MCM4: variants seen among roughly 807,000 people sequenced by gnomAD.
MCM4 encodes DNA replication licensing factor MCM4.
MCM4 carries 60 observed loss-of-function variants against 88.7 expected under a neutral mutation model. The observed-to-expected ratio is 0.68, with a 90% CI of 0.55 to 0.84. MCM4 has a LOEUF of 0.84. Ranked by LOEUF, MCM4 falls within the 40% of genes least tolerant of loss-of-function variation. The pLI is 0.00. For missense variants in MCM4, 1,149 were observed against 1,105.5 expected (o/e 1.04, Z -0.56); for synonymous variants, 465 against 410.5 (o/e 1.13, Z -1.61).
intron 10 of MCM4, 62 bp from the exon 11 acceptor site, chr8:47,969,736 T>G (rs2090933859): frequency 1.3e-6 from 2 of 1,582,430 alleles, no homozygotes; most frequent in South Asian, 1.1e-5. Flanking sequence ...CTACGCTGGT[T>G]GCTGAGCCAC....
In MCM4 at chr8:47,974,955, T is replaced by A. The variant is rs1363142523; in HGVS notation, c.2358T>A (p.Leu786=). The change falls in exon 15 of 17, where the codon CTT becomes CTA. Residue 786 remains leucine, a synonymous_variant. Coordinates refer to ENST00000649973, the MANE Select transcript of MCM4 (RefSeq NM_182746.3). ...CTGGCATCGTGGACATATCTATTCT[T>A]ACTACGGGTTCGTTATTTTCAGTGA... ...PRTGIVDISI[L]TTGMSATSRK... is the part of the protein sequence containing the mutation. The A allele has an allele frequency of 6.2e-6, 10 of 1,608,038 alleles. No homozygotes were observed. Among genetic ancestry groups the A allele is most frequent in the Non-Finnish European group, 8.5e-6 (10 of 1,176,264 alleles).
intron 15 of MCM4, chr8:47,975,425 G>A (rs1052422353): frequency 5.2e-6 from 1 of 191,812 alleles, no homozygotes; most frequent in Non-Finnish European, 1.0e-5. Flanking sequence ...ATAGTTTTAA[G>A]GAGATTCTGT....
rs146053440 is a variant in MCM4, at chr8:47,966,503, C to T, written c.1053+96C>T. 23 of 1,214,732 alleles carry T rather than the reference C, an allele frequency of 1.9e-5. No individual in the cohort carries two copies. In the East Asian group the frequency reaches 5.9e-4, roughly 31 times the overall value. 75.2% of individuals were successfully genotyped at this position (1,214,732 alleles called of 1,614,324 possible). Reference sequence around the variant, plus strand: ...GTCCCTCGGACCCTGAGCCTCACTTCCCGAATGGCATCCATCCCTCTCTGG... The same window carrying T: ...GTCCCTCGGACCCTGAGCCTCACTTTCCGAATGGCATCCATCCCTCTCTGG... On this transcript the variant is annotated intron_variant, in intron 9 of 16. Transcript: ENST00000649973.
At chr8:47,970,408 A>T in intron 11 of MCM4, 103 bp from the exon 12 acceptor site, 1 of 1,407,278 alleles carries the variant, frequency 7.1e-7, no homozygotes, top group Non-Finnish European at 9.6e-7. Context: ...GTGATTTCTT[A>T]ATTGTAGTTC....
At chr8:47,964,866 A>G (rs1181917397) in intron 8 of MCM4, among the ~76,000 whole-genome samples, 154 bp downstream of exon 8, 3 of 152,240 alleles carry the variant, frequency 2.0e-5, no homozygotes, top group Non-Finnish European at 4.4e-5. Flanking sequence ...CAGTTATCCT[A>G]TATACTTATG....
At position 47,961,555 on chromosome 8, in the gene MCM4, G is replaced by A. The variant is rs200577338; in HGVS notation, c.110G>A (p.Arg37His). The change falls in exon 3 of 17, where the codon CGT (arginine) becomes CAT (histidine). Residue 37 changes from arginine to histidine, a missense_variant. Around this residue, in one of 3 missense-constraint regions of MCM4, gnomAD observed 906 missense variants for 843.0 expected, o/e 1.07. Coordinates refer to ENST00000649973, the MANE Select transcript of MCM4 (RefSeq NM_182746.3). ...EDARSSPSQR[R>H]RGEDSTSTGE... ...GCCAGGTCATCTCCCTCTCAGAGAC[G>A]TAGAGGCGAGGATTCCACCTCCACG... The A allele has an allele frequency of 4.9e-5, 79 of 1,614,050 alleles. No homozygotes were observed. Among genetic ancestry groups the A allele is most frequent in the Middle Eastern group, 3.3e-4 (2 of 6,064 alleles).
intron 9 of MCM4, 67 bp downstream of exon 9, chr8:47,966,474 A>G: frequency 6.9e-7 from 1 of 1,450,032 alleles, no homozygotes; most frequent in South Asian, 1.3e-5. Context: ...GCCAACTATA[A>G]CTTGTCCCTC....
intron 14 of MCM4, chr8:47,973,783 T>C (rs1289278477): frequency 6.6e-6 from 1 of 152,322 alleles, no homozygotes; most frequent in African/African-American, 2.4e-5. Flanking sequence ...CCACCGCGCC[T>C]AGCAATATAC....
rs2090947451 is a variant in MCM4, at chr8:47,970,847, A to G, written c.1771A>G (p.Met591Val). 1 of 1,605,356 alleles carries G rather than the reference A, an allele frequency of 6.2e-7. No homozygotes were observed. The highest frequency in any genetic ancestry group is 1.7e-4 in the Middle Eastern group (1 of 6,046). Reference protein sequence around the residue: ...ESTRSVLHEVMEQQTLSIAKA... With the variant: ...ESTRSVLHEVVEQQTLSIAKA... Reference sequence around the variant, plus strand: ...TACAAGATCGGTATTGCATGAAGTCATGGAACAGCAGACTCTGTCCATTGC... The same window carrying G: ...TACAAGATCGGTATTGCATGAAGTCGTGGAACAGCAGACTCTGTCCATTGC... The change falls in exon 12 of 17, where the codon ATG becomes GTG. Residue 591 changes from methionine to valine, a missense_variant. Around this residue, in one of 3 missense-constraint regions of MCM4, gnomAD observed 906 missense variants for 843.0 expected, o/e 1.07. Coordinates refer to ENST00000649973, the MANE Select transcript of MCM4 (RefSeq NM_182746.3).
intron 8 of MCM4, among the ~76,000 whole-genome samples, chr8:47,965,795 T>C (rs1277477593): frequency 6.6e-6 from 1 of 152,208 alleles, no homozygotes; most frequent in African/African-American, 2.4e-5. Flanking sequence ...AGTCCTTGGC[T>C]CTGGGATAGG....
Position 47,970,877 on chromosome 8 carries a change from G to A in MCM4, c.1800+1G>A. Reference sequence around the variant, plus strand: ...ACAGCAGACTCTGTCCATTGCAAAGGTGAGTCGCCTTCTCCACCGTGAACA... The same window carrying A: ...ACAGCAGACTCTGTCCATTGCAAAGATGAGTCGCCTTCTCCACCGTGAACA... On this transcript the variant is annotated splice_donor_variant, in intron 12 of 16. Coordinates refer to ENST00000649973, the MANE Select transcript of MCM4 (RefSeq NM_182746.3). LOFTEE classifies it high-confidence loss of function. 2 of 1,582,008 alleles carry A rather than the reference G, an allele frequency of 1.3e-6. No individual in the cohort carries two copies. The highest frequency in any genetic ancestry group is 2.3e-5 in the East Asian group (1 of 44,392).
chr8:47,972,385 T>C (rs985361152), intron 13 of MCM4, among the ~76,000 whole-genome samples: 2 of 150,766 alleles, frequency 1.3e-5, no homozygotes, highest in Non-Finnish European at 2.9e-5. Flanking sequence ...GTGGGGTGAG[T>C]GGATGGACAC....
In MCM4 at chr8:47,970,802, T is replaced by G; in HGVS notation, c.1726T>G (p.Phe576Val). ...CAACGGCATCTGCTGTATCGATGAG[T>G]TCGACAAGATGAATGAAAGTACAAG... Reference protein sequence around the residue: ...SDNGICCIDEFDKMNESTRSV... With the variant: ...SDNGICCIDEVDKMNESTRSV... Residue 576 changes from phenylalanine to valine, a missense_variant, in exon 12 of 17, where the codon TTC (phenylalanine) becomes GTC (valine). Transcript: ENST00000649973. 1 of 1,613,758 alleles carries G rather than the reference T, an allele frequency of 6.2e-7. No individual in the cohort carries two copies. Among genetic ancestry groups the G allele is most frequent in the Non-Finnish European group, 8.5e-7 (1 of 1,179,734 alleles).
At chr8:47,963,893 ACC>A (rs2090872035) in intron 7 of MCM4, among the ~76,000 whole-genome samples, 1 of 152,198 alleles carries the variant, frequency 6.6e-6, no homozygotes, top group African/African-American at 2.4e-5. Context: ...TAAAATGGGA[ACC>A]ATATGTTAAG....
Position 47,969,868 on chromosome 8 carries a change from C to G in MCM4, c.1245C>G (p.His415Gln). Residue 415 changes from histidine to glutamine, a missense_variant, in exon 11 of 17, where the codon CAC becomes CAG. Physicochemically the swap from His to Gln is conservative, Grantham distance 24. Transcript: ENST00000649973. ...ATGTGAAGTCTGTCTACAAAACCCACATTGATGTCATTCATTATCGGAAAA... is the reference window on the plus strand; with the variant it reads ...ATGTGAAGTCTGTCTACAAAACCCAGATTGATGTCATTCATTATCGGAAAA... ...VSNVKSVYKT[H>Q]IDVIHYRKTD... The G allele has an allele frequency of 1.2e-6, 2 of 1,614,228 alleles. No individual in the cohort carries two copies.
rs1351358671 is a variant in MCM4, at chr8:47,964,660, A to G, written c.780A>G (p.Val260=). The change falls in exon 8 of 17, where the codon GTA becomes GTG. Residue 260 remains valine (V), a synonymous_variant. Coordinates refer to ENST00000649973, the MANE Select transcript of MCM4 (RefSeq NM_182746.3). ...PDSILEHQIQ[V]RPFNALKTKN... The stretch of plus-strand genomic sequence containing the variant: ...CAATCTTAGAACATCAGATTCAAGT[A>G]AGACCATTCAACGCATTGAAGACTA... 6.2e-7 allele frequency: 1 copy of G among 1,605,940 alleles called. No individual in the cohort carries two copies. Among genetic ancestry groups the G allele is most frequent in the Admixed American group, 1.7e-5 (1 of 57,498 alleles).
In MCM4 at chr8:47,961,157, G is replaced by A. The variant is rs1213281389; in HGVS notation, c.13G>A (p.Ala5Thr). 1 of 1,552,874 alleles carries A rather than the reference G, an allele frequency of 6.4e-7. No individual in the cohort carries two copies. The highest frequency in any genetic ancestry group is 8.6e-7 in the Non-Finnish European group (1 of 1,159,592). ...TACTCCGAGCACTATGTCGTCCCCGGCGTCGACCCCGAGCCGCCGCGGCAG... is the reference window on the plus strand; with the variant it reads ...TACTCCGAGCACTATGTCGTCCCCGACGTCGACCCCGAGCCGCCGCGGCAG... MSSPASTPSRRGSRR... is the reference protein window; with the variant it reads MSSPTSTPSRRGSRR... Residue 5 changes from alanine to threonine, a missense_variant, in exon 2 of 17, where the codon GCG becomes ACG. Coordinates refer to ENST00000649973, the MANE Select transcript of MCM4 (RefSeq NM_182746.3).
In MCM4 at chr8:47,975,594, T is replaced by G. The variant is rs879269299; in HGVS notation, c.2366-121T>G. ...TAATTAAAAACTCATTCCCTTCAAA[T>G]GTACTCAGCCCCTGTCGCCTTATCT... On this transcript the variant is annotated intron_variant, in intron 15 of 16. Transcript: ENST00000649973. 4.8e-6 allele frequency: 3 copies of G among 621,358 alleles called. No individual in the cohort carries two copies. The Admixed American group carries it at 1.2e-4, about 25-fold the overall frequency. 38.5% of individuals were successfully genotyped at this position (621,358 alleles called of 1,614,324 possible).
At position 47,975,702 on chromosome 8, in the gene MCM4, C is replaced by G; in HGVS notation, c.2366-13C>G. 6.6e-7 allele frequency: 1 copy of G among 1,513,882 alleles called. No homozygotes were observed. The highest frequency in any genetic ancestry group is 8.8e-7 in the Non-Finnish European group (1 of 1,137,878). 93.8% of individuals were successfully genotyped at this position (1,513,882 alleles called of 1,614,324 possible). A position where few individuals can be genotyped will look rare whatever the true frequency, so the allele number is the denominator to read the frequency against. ...ATAGCAAAAATGTTTTCATTGATTT[C>G]TTTTTAAATCAGGGATGAGTGCCAC... On this transcript the variant is annotated splice_polypyrimidine_tract_variant and intron_variant, in intron 15 of 16. Transcript: ENST00000649973.
Sources: gnomAD v4.1 joint callset for allele counts (sites outside exome capture counted in the v4.1 genomes callset) on GRCh38, gnomAD v4.1.1 for gene constraint, gnomAD v4.1.1 regional missense constraint, MANE v1.5 for transcripts, NCBI Gene and HGNC (gene_info 2026-07-23, HGNC 2026-07-21) for gene names.